Variants in PTPRG observed in about 807,000 individuals in gnomAD.
The protein encoded by PTPRG is protein tyrosine phosphatase receptor type G.
PTPRG carries 102 observed loss-of-function variants against 165.3 expected under a neutral mutation model. The ratio of observed to expected loss-of-function variants is 0.62; its 90% CI spans 0.53 to 0.73. PTPRG has a LOEUF of 0.73. PTPRG is among the 30% of genes least tolerant of loss of function. The pLI is 0.00. For synonymous variants in PTPRG, 675 were observed against 669.5 expected, an observed-to-expected ratio of 1.01 and a Z score of -0.13; for missense variants, 1,866 against 1,861.4, an observed-to-expected ratio of 1.00 and a Z score of -0.05.
intron 4 of PTPRG, among the ~76,000 whole-genome samples, chr3:62,060,046 A>G (rs1575950025): frequency 6.6e-6 from 1 of 152,032 alleles, no homozygotes. Flanking sequence ...AATACACACC[A>G]TCTCTACAAA....
At chr3:62,093,958 C>T (rs1222836347) in intron 5 of PTPRG, among the ~76,000 whole-genome samples, 1 of 152,184 alleles carries the variant, frequency 6.6e-6, no homozygotes, top group Non-Finnish European at 1.5e-5. Flanking sequence ...CTTACCTTCT[C>T]TCTTCCTTTT....
chr3:61,843,379 C>T (rs1575713628), intron 2 of PTPRG, among the ~76,000 whole-genome samples: 1 of 152,044 alleles, frequency 6.6e-6, no homozygotes, highest in South Asian at 2.1e-4. Context: ...CACACACATA[C>T]ATACACACGG....
rs570321020 is a variant in PTPRG, at chr3:61,816,394, T to C, written c.190+67412T>C. 2.6e-3 allele frequency among the ~76,000 whole-genome samples: 402 copies of C among 152,090 alleles called. 2 individuals carry two copies. Among genetic ancestry groups the C allele is most frequent in the Non-Finnish European group, 4.7e-3 (318 of 67,970 alleles). ...AAAATACAAAAAAAATTGCTGGGCA[T>C]GGTGGTGGGGGCCCGTAATCCTAGC... On this transcript the variant is annotated intron_variant, in intron 2 of 29. Transcript: ENST00000474889.
intron 2 of PTPRG, among the ~76,000 whole-genome samples, chr3:61,764,983 C>T (rs2033969094): frequency 6.6e-6 from 1 of 152,230 alleles, no homozygotes; most frequent in Non-Finnish European, 1.5e-5. Context: ...AAAGAATTAT[C>T]TGGACCCAAA....
At chr3:61,988,534 G>A (rs1292682401) in intron 2 of PTPRG, among the ~76,000 whole-genome samples, 4 of 152,106 alleles carry the variant, frequency 2.6e-5, no homozygotes, top group Non-Finnish European at 5.9e-5. Context: ...GTCTTCCATT[G>A]TATGAGGCTA....
At chr3:61,943,996 A>C (rs1000049658) in intron 2 of PTPRG, among the ~76,000 whole-genome samples, 1 of 152,178 alleles carries the variant, frequency 6.6e-6, no homozygotes, top group African/African-American at 2.4e-5. Context: ...CGTTGAATAT[A>C]TATTGAGCAG....
chr3:61,999,856 ATCAGGGAAC>A (rs1335442532), intron 3 of PTPRG, among the ~76,000 whole-genome samples: 1 of 152,246 alleles, frequency 6.6e-6, no homozygotes, highest in Non-Finnish European at 1.5e-5. Context: ...ATGAATGAGT[ATCAGGGAAC>A]TATGTGGGTT....
chr3:61,642,311 G>A (rs891627843), intron 1 of PTPRG, among the ~76,000 whole-genome samples: 3 of 152,134 alleles, frequency 2.0e-5, no homozygotes, highest in Non-Finnish European at 2.9e-5. Context: ...TTTTTCTCAA[G>A]TACAGTTTGT....
At chr3:61,690,140 G>A (rs1020346049) in intron 1 of PTPRG, among the ~76,000 whole-genome samples, 5 of 152,112 alleles carry the variant, frequency 3.3e-5, no homozygotes, top group East Asian at 1.9e-4. Flanking sequence ...GGCATTATCC[G>A]CAACCGACAA....
At chr3:61,921,236 T>C (rs2039071890) in intron 2 of PTPRG, among the ~76,000 whole-genome samples, 1 of 152,162 alleles carries the variant, frequency 6.6e-6, no homozygotes. Flanking sequence ...TATTTTCTTT[T>C]ATTTTAATTT....
intron 1 of PTPRG, among the ~76,000 whole-genome samples, chr3:61,618,272 T>A (rs1484510694): frequency 4.6e-5 from 7 of 152,110 alleles, no homozygotes; most frequent in Non-Finnish European, 1.0e-4. Context: ...ATATAAAAAA[T>A]TAAATAAAGT....
At chr3:61,894,105 A>T (rs2038286675) in intron 2 of PTPRG, among the ~76,000 whole-genome samples, 1 of 152,004 alleles carries the variant, frequency 6.6e-6, no homozygotes, top group African/African-American at 2.4e-5. Flanking sequence ...GGAGTTCAAG[A>T]CCAGTCTGGT....
At chr3:61,911,557 A>C (rs1233646264) in intron 2 of PTPRG, among the ~76,000 whole-genome samples, 1 of 152,104 alleles carries the variant, frequency 6.6e-6, no homozygotes, top group Admixed American at 6.6e-5. Context: ...TATTGTCTAC[A>C]AGTGTATTTT....
Position 61,779,746 on chromosome 3 carries a change from A to G in PTPRG, c.190+30764A>G, listed in dbSNP as rs555349439. On this transcript the variant is annotated intron_variant, in intron 2 of 29. Coordinates refer to ENST00000474889, the MANE Select transcript of PTPRG (RefSeq NM_002841.4). ...TAGATGCTGTTAATATCCCACCCAC[A>G]TTTTCTTATTTTCAAGCACTTATAT... Among the ~76,000 whole-genome samples the G allele has an allele frequency of 2.0e-5, 3 of 151,994 alleles. No individual in the cohort carries two copies. The East Asian group carries it at 5.8e-4, about 29-fold the overall frequency.
At chr3:62,291,235 C>T (rs1702885880) in intron 28 of PTPRG, among the ~76,000 whole-genome samples, 1 of 152,066 alleles carries the variant, frequency 6.6e-6, no homozygotes, top group South Asian at 2.1e-4. Flanking sequence ...TGAGGAGAAG[C>T]AAGTGTTCTC....
At chr3:62,185,589 A>C (rs990106322) in intron 8 of PTPRG, among the ~76,000 whole-genome samples, 23 of 149,288 alleles carry the variant, frequency 1.5e-4, no homozygotes, top group Non-Finnish European at 7.4e-5. Flanking sequence ...AGACTATGGC[A>C]AAAAAAAAGA....
Position 62,231,322 on chromosome 3 carries a change from G to A in PTPRG, c.2375+11G>A, listed in dbSNP as rs552828661. 7 of 1,565,378 alleles carry A rather than the reference G, an allele frequency of 4.5e-6. No homozygotes were observed. The South Asian group carries it at 7.3e-5, about 16-fold the overall frequency. On this transcript the variant is annotated intron_variant, in intron 14 of 29. Transcript: ENST00000474889. Reference sequence around the variant, plus strand: ...AGAGAAGGGGAGCAGGTGAGGGGCGGTCAAGCTTAAGTGGGGGGCGTCTTG... The same window carrying A: ...AGAGAAGGGGAGCAGGTGAGGGGCGATCAAGCTTAAGTGGGGGGCGTCTTG...
chr3:61,612,661 T>C (rs1701204264), intron 1 of PTPRG, among the ~76,000 whole-genome samples: 1 of 152,154 alleles, frequency 6.6e-6, no homozygotes, highest in Admixed American at 6.5e-5. Flanking sequence ...ACATTAAAGG[T>C]GCATTAGTGT....
At chr3:62,082,462 G>A (rs948397447) in intron 5 of PTPRG, among the ~76,000 whole-genome samples, 1 of 152,156 alleles carries the variant, frequency 6.6e-6, no homozygotes, top group African/African-American at 2.4e-5. Context: ...TTTACACAGT[G>A]TTTATGATTC....
Sources: allele counts gnomAD v4.1 joint callset (sites outside exome capture counted in the v4.1 genomes callset), GRCh38; gene constraint gnomAD v4.1.1; transcripts MANE v1.5; gene names NCBI Gene and HGNC (gene_info 2026-07-23, HGNC 2026-07-21).